GRID1: variants seen among roughly 807,000 people sequenced by gnomAD.
GRID1 encodes glutamate receptor ionotropic, delta-1.
In GRID1, 28 loss-of-function variants were observed where a neutral mutation model predicts 98.0. The ratio of observed to expected loss-of-function variants is 0.29; its 90% CI spans 0.21 to 0.39. GRID1 has a LOEUF of 0.39. Ranked by LOEUF, GRID1 falls within the 10% of genes least tolerant of loss-of-function variation. The pLI is 1.00. For missense variants in GRID1, 1,111 were observed against 1,340.5 expected (o/e 0.83, Z 2.67); for synonymous variants, 553 against 538.5 (o/e 1.03, Z -0.37).
intron 4 of GRID1, among the ~76,000 whole-genome samples, chr10:86,063,848 C>T (rs1843682461): frequency 6.6e-6 from 1 of 152,166 alleles, no homozygotes; most frequent in African/African-American, 2.4e-5. Flanking sequence ...TATTAAAGCA[C>T]ACCCATATGC....
chr10:86,267,177 C>A (rs1847116701), intron 2 of GRID1, among the ~76,000 whole-genome samples: 1 of 152,224 alleles, frequency 6.6e-6, no homozygotes, highest in African/African-American at 2.4e-5. Context: ...AATATCTCAG[C>A]CCCTGCAAGC....
At chr10:86,143,374 C>G (rs1870158) in intron 3 of GRID1, among the ~76,000 whole-genome samples, 31,471 of 152,010 alleles carry the variant, frequency 0.21, 3,788 homozygotes, top group African/African-American at 0.33. Context: ...AATTTGTAAT[C>G]CCACCCTACC....
chr10:85,727,184 C>T (rs991691270), intron 10 of GRID1, among the ~76,000 whole-genome samples: 2 of 152,006 alleles, frequency 1.3e-5, no homozygotes, highest in African/African-American at 4.8e-5. Context: ...TATTGGGAGT[C>T]CAGGGTTGTC....
rs372121930 is a variant in GRID1 at position 86,259,851 on chromosome 10, T to G, written c.236-53203A>C. On this transcript the variant is annotated intron_variant, in intron 2 of 15. Transcript: ENST00000327946. ...CTCCAAATAGTGATCAAGAAGTCCC[T>G]GAGACCCACCAGCAGTCCCTCTGAA... Among the ~76,000 whole-genome samples, 15 of 152,384 alleles carry G rather than the reference T, an allele frequency of 9.8e-5. No individual in the cohort carries two copies. The South Asian group carries it at 1.7e-3, about 17-fold the overall frequency.
At chr10:85,647,098 GGGCTGCTCAGA>G (rs1843203605) in intron 13 of GRID1, 93 bp downstream of exon 13, 2 of 859,904 alleles carry the variant, frequency 2.3e-6, no homozygotes, top group Non-Finnish European at 3.9e-6. Context: ...GCAGGTAACA[GGGCTGCTCAGA>G]GGCAGATGCC....
At chr10:85,694,532 A>G (rs777774428) in intron 12 of GRID1, among the ~76,000 whole-genome samples, 32 of 142,088 alleles carry the variant, frequency 2.3e-4, no homozygotes, top group Non-Finnish European at 4.4e-4. Context: ...TGGTAACTAG[A>G]TAAAGAAAAT....
chr10:85,821,272 C>A (rs982826102), intron 8 of GRID1, among the ~76,000 whole-genome samples: 1 of 151,718 alleles, frequency 6.6e-6, no homozygotes. Flanking sequence ...AATCCCAGCA[C>A]TTTGGGAGGC....
chr10:86,052,370 C>T (rs1242503278), intron 4 of GRID1: 2 of 152,010 alleles, frequency 1.3e-5, no homozygotes, highest in Admixed American at 6.6e-5. Context: ...TACCCAATAC[C>T]TTTTTACACT....
intron 12 of GRID1, among the ~76,000 whole-genome samples, chr10:85,704,218 A>G (rs1222136133): frequency 6.6e-6 from 1 of 152,154 alleles, no homozygotes; most frequent in Non-Finnish European, 1.5e-5. Flanking sequence ...TGTATTCAGG[A>G]AACCCATCTC....
intron 2 of GRID1, among the ~76,000 whole-genome samples, chr10:86,313,581 A>G (rs1896525): frequency 0.87 from 132,951 of 152,204 alleles, 58,913 homozygotes; most frequent in East Asian, 0.98. Context: ...TGGCAGGGAA[A>G]TCTCCCTCTT....
intron 4 of GRID1, among the ~76,000 whole-genome samples, chr10:86,053,597 G>A (rs532279008): frequency 2.2e-4 from 33 of 151,916 alleles, no homozygotes; most frequent in East Asian, 9.7e-4. Flanking sequence ...CAGGAGATCC[G>A]CCCGCCTCGG....
intron 8 of GRID1, among the ~76,000 whole-genome samples, chr10:85,844,589 G>A (rs1476381864): frequency 6.6e-6 from 1 of 151,994 alleles, no homozygotes; most frequent in African/African-American, 2.4e-5. Context: ...TAAATAAAGG[G>A]TATGCTGGAT....
At chr10:86,138,295 C>T (rs75304894) in intron 4 of GRID1, among the ~76,000 whole-genome samples, 3,924 of 152,278 alleles carry the variant, frequency 0.026, 179 homozygotes, top group African/African-American at 0.089. Flanking sequence ...AGGCTCCAAC[C>T]TCGAACAGAG....
At chr10:86,299,830 C>A (rs946587604) in intron 2 of GRID1, among the ~76,000 whole-genome samples, 10 of 152,092 alleles carry the variant, frequency 6.6e-5, no homozygotes, top group Non-Finnish European at 1.3e-4. Context: ...ATGGGACAGA[C>A]CCACGTGCTG....
chr10:85,629,830 T>C (rs1449258309), intron 13 of GRID1, among the ~76,000 whole-genome samples: 1 of 152,186 alleles, frequency 6.6e-6, no homozygotes, highest in East Asian at 1.9e-4. Flanking sequence ...CCCACCAGCA[T>C]TGTAGAAGCA....
At chr10:86,215,044 A>G (rs1445394819) in intron 2 of GRID1, among the ~76,000 whole-genome samples, 1 of 152,204 alleles carries the variant, frequency 6.6e-6, no homozygotes, top group Non-Finnish European at 1.5e-5. Flanking sequence ...CTTAAAGCCA[A>G]CACTCCTTCT....
At chr10:86,183,134 C>T (rs1204027690) in intron 3 of GRID1, among the ~76,000 whole-genome samples, 2 of 152,112 alleles carry the variant, frequency 1.3e-5, no homozygotes, top group Admixed American at 6.5e-5. Context: ...CCACCCCAGT[C>T]CCCAGGCAAC....
At chr10:85,866,460 A>T (rs540107415) in intron 6 of GRID1, among the ~76,000 whole-genome samples, 1 of 151,052 alleles carries the variant, frequency 6.6e-6, no homozygotes, top group South Asian at 2.1e-4. Context: ...TTTTTTTCAG[A>T]TTTTGAAATA....
intron 5 of GRID1, among the ~76,000 whole-genome samples, chr10:85,873,649 T>G (rs1241397273): frequency 1.3e-5 from 2 of 152,216 alleles, no homozygotes; most frequent in African/African-American, 4.8e-5. Flanking sequence ...ATGCTCTGAT[T>G]AGTGTAGCGT....
Sources: gnomAD v4.1 joint callset for allele counts (sites outside exome capture counted in the v4.1 genomes callset) on GRCh38, gnomAD v4.1.1 for gene constraint, MANE v1.5 for transcripts, NCBI Gene and HGNC (gene_info 2026-07-23, HGNC 2026-07-21) for gene names.